ZGLP1: variants seen among roughly 807,000 people sequenced by gnomAD.
The protein encoded by ZGLP1 is GATA-type zinc finger protein 1.
In ZGLP1, 11 loss-of-function variants were observed where a neutral mutation model predicts 21.4. That is an observed-to-expected ratio of 0.51 (90% CI 0.32 to 0.85). The LOEUF is 0.85. Among genes scored for constraint, ZGLP1 ranks in the 40% least tolerant of loss-of-function variants. The pLI is 0.03. For synonymous variants in ZGLP1, 148 were observed against 145.0 expected (o/e 1.02, Z -0.15); for missense variants, 295 against 355.6 (o/e 0.83, Z 1.37).
chr19:10,308,523 C>T (rs1040187686), exon 1 of ZGLP1: 9 of 1,606,880 alleles, frequency 5.6e-6, no homozygotes, highest in African/African-American at 5.4e-5. Flanking sequence ...GGGCGGTGAC[C>T]GACTCCTGGC....
rs1245063530 is a variant in ZGLP1, at chr19:10,305,230, C to T, written c.699-22G>A. On this transcript the variant is annotated intron_variant, in intron 3 of 3. Coordinates refer to ENST00000403903, the Ensembl canonical transcript of ZGLP1. This position sits in a 1 kb window ranked among gnomAD's most constrained non-coding sequence, Gnocchi z 4.7. ...GTACCTAGGGTTGGGGGACAAGAAA[C>T]TGCCATTTAGGATGCAGTGGGGGCC... The T allele has an allele frequency of 6.8e-6, 11 of 1,610,474 alleles. No homozygotes were observed. In the African/African-American group the frequency reaches 1.5e-4, roughly 22 times the overall value.
chr19:10,308,524 G>C (rs1196050401), exon 1 of ZGLP1: 1 of 1,607,260 alleles, frequency 6.2e-7, no homozygotes. Flanking sequence ...GGCGGTGACC[G>C]ACTCCTGGCA....
rs759946522 is a variant in ZGLP1, at chr19:10,305,203, T to C, written c.704A>G (p.Lys235Arg). The change falls in exon 4 of 4, where the codon AAG becomes AGG. Residue 235 changes from lysine to arginine, a missense_variant. This residue lies in a region of ZGLP1 where 43 missense variants were observed against 91.7 expected (regional missense o/e 0.47). Transcript: ENST00000403903. The surrounding 1 kb of genome is among the most constrained non-coding windows in gnomAD (Gnocchi z 4.7). Reference sequence around the variant, plus strand: ...GCTGGAGCAGCGAGTGCCGTATTTCTTGTACCTAGGGTTGGGGGACAAGAA... The same window carrying C: ...GCTGGAGCAGCGAGTGCCGTATTTCCTGTACCTAGGGTTGGGGGACAAGAA... The C allele has an allele frequency of 1.2e-6, 2 of 1,613,916 alleles. No individual in the cohort carries two copies. The highest frequency in any genetic ancestry group is 1.7e-6 in the Non-Finnish European group (2 of 1,179,830).
rs1599287685 is a variant in ZGLP1 at position 10,305,981 on chromosome 19, G to A, written c.498-29C>T. ...TGGGGCAGACAAGGTATTAGCACTGGGGGGGATCTGTAGCTTGTCCCCAAC... is the reference window on the plus strand; with the variant it reads ...TGGGGCAGACAAGGTATTAGCACTGAGGGGGATCTGTAGCTTGTCCCCAAC... On this transcript the variant is annotated intron_variant, in intron 1 of 3. Transcript: ENST00000403903. This position sits in a 1 kb window ranked among gnomAD's most constrained non-coding sequence, Gnocchi z 4.7. 1.3e-6 allele frequency: 2 copies of A among 1,482,408 alleles called. No homozygotes were observed. Among genetic ancestry groups the A allele is most frequent in the Non-Finnish European group, 1.8e-6 (2 of 1,087,566 alleles). The allele number at this position is 1,482,408 out of a possible 1,614,324, so 91.8% of individuals were successfully genotyped here.
intron 1 of ZGLP1, among the ~76,000 whole-genome samples, chr19:10,307,025 T>TC (rs2040283192): frequency 6.6e-6 from 1 of 151,214 alleles, no homozygotes; most frequent in Non-Finnish European, 1.5e-5. Flanking sequence ...TCCCAGCTAC[T>TC]CCAGAGGCTG....
chr19:10,306,989 C>T (rs190497558), intron 1 of ZGLP1, among the ~76,000 whole-genome samples: 179 of 151,986 alleles, frequency 1.2e-3, no homozygotes, highest in African/African-American at 4.2e-3. Context: ...CAAAAATTAG[C>T]CAGGCGTGGT....
exon 1 of ZGLP1, chr19:10,308,324 A>T (rs1279078085): frequency 6.2e-7 from 1 of 1,610,956 alleles, no homozygotes; most frequent in Non-Finnish European, 8.5e-7. Context: ...GGTGGGGCCG[A>T]GGGAGTCCCC....
exon 1 of ZGLP1, chr19:10,309,622 G>C (rs1599289550): frequency 6.5e-6 from 1 of 152,696 alleles, no homozygotes; most frequent in African/African-American, 2.4e-5. Flanking sequence ...CCCCAGCTGA[G>C]AGCGACCAGC....
rs2040274811 is a variant in ZGLP1, at chr19:10,305,641, G to A, written c.605-158C>T. The A allele has an allele frequency of 3.1e-5, 24 of 764,514 alleles. No homozygotes were observed. The South Asian group carries it at 4.0e-4, about 13-fold the overall frequency. 47.4% of individuals were successfully genotyped at this position (764,514 alleles called of 1,614,324 possible). Reference sequence around the variant, plus strand: ...CCAGCTCTAAGCCACAGCAAAGCCAGGAAGGGAGACAGATGGCAGCATTCC... The same window carrying A: ...CCAGCTCTAAGCCACAGCAAAGCCAAGAAGGGAGACAGATGGCAGCATTCC... On this transcript the variant is annotated intron_variant, in intron 2 of 3. Coordinates refer to ENST00000403903, the Ensembl canonical transcript of ZGLP1. The surrounding 1 kb of genome is among the most constrained non-coding windows in gnomAD (Gnocchi z 4.7).
exon 1 of ZGLP1, chr19:10,309,783 G>A (rs1458783433): frequency 1.3e-5 from 2 of 152,290 alleles, no homozygotes; most frequent in Non-Finnish European, 2.9e-5. Flanking sequence ...GGGGCTCCCA[G>A]GCCTCTGCCT....
chr19:10,307,532 T>TC (rs2040286501), intron 1 of ZGLP1, among the ~76,000 whole-genome samples: 1 of 149,922 alleles, frequency 6.7e-6, no homozygotes. Context: ...TTTTTTTTTT[T>TC]GAGACTGAGT....
chr19:10,305,009 C>A lies in ZGLP1; in HGVS notation c.*82G>T. On this transcript the variant is annotated 3_prime_UTR_variant, in exon 4 of 4. Transcript: ENST00000403903. This position sits in a 1 kb window ranked among gnomAD's most constrained non-coding sequence, Gnocchi z 4.7. ...GAGGCAGGCCGGCTCTTTCCCCAATCCTCCTAGGAGAGCTGCTTCTGCCCA... is the reference window on the plus strand; with the variant it reads ...GAGGCAGGCCGGCTCTTTCCCCAATACTCCTAGGAGAGCTGCTTCTGCCCA... The A allele has an allele frequency of 9.1e-7, 1 of 1,101,714 alleles. No homozygotes were observed. Among genetic ancestry groups the A allele is most frequent in the East Asian group, 2.4e-5 (1 of 41,776 alleles). 68.2% of individuals were successfully genotyped at this position (1,101,714 alleles called of 1,614,324 possible).
chr19:10,308,863 G>A (rs1285344257), exon 1 of ZGLP1: 8 of 463,584 alleles, frequency 1.7e-5, no homozygotes, highest in African/African-American at 1.4e-4. Context: ...CTGCAGGATC[G>A]AGAAAAAGGT....
At chr19:10,309,149 G>C (rs1194694820) in exon 1 of ZGLP1, 1 of 152,806 alleles carries the variant, frequency 6.5e-6, no homozygotes, top group East Asian at 1.9e-4. Flanking sequence ...CAGCCCCAGA[G>C]ACATGGAATT....
intron 1 of ZGLP1, among the ~76,000 whole-genome samples, chr19:10,306,827 A>G (rs2040282298): frequency 6.6e-6 from 1 of 151,790 alleles, no homozygotes; most frequent in South Asian, 2.1e-4. Flanking sequence ...AAACAAACAA[A>G]CAAACAAAAG....
At chr19:10,307,814 C>T (rs1041675255) in intron 1 of ZGLP1, among the ~76,000 whole-genome samples, 1 of 152,260 alleles carries the variant, frequency 6.6e-6, no homozygotes, top group South Asian at 2.1e-4. Flanking sequence ...CTGTGCCCGG[C>T]CTCCCCAGGC....
intron 1 of ZGLP1, 73 bp from the exon 3 acceptor site, chr19:10,306,025 T>C (rs777111372): frequency 3.5e-6 from 4 of 1,153,234 alleles, no homozygotes; most frequent in Non-Finnish European, 5.0e-6. Flanking sequence ...GAAATGAAGA[T>C]TTAGTATCAA....
At chr19:10,307,265 TG>T (rs1360277298) in intron 1 of ZGLP1, among the ~76,000 whole-genome samples, 2 of 151,778 alleles carry the variant, frequency 1.3e-5, no homozygotes, top group East Asian at 3.9e-4. Context: ...CTTGAACTCC[TG>T]GGCTCATGCA....
At chr19:10,309,697 G>T (rs1376732113) in exon 1 of ZGLP1, 1 of 152,230 alleles carries the variant, frequency 6.6e-6, no homozygotes, top group Non-Finnish European at 1.5e-5. Flanking sequence ...CGTGGCAAGG[G>T]CGGCCTGGAC....
Sources: allele counts gnomAD v4.1 joint callset (sites outside exome capture counted in the v4.1 genomes callset), GRCh38; gene constraint gnomAD v4.1.1; regional missense constraint gnomAD v4.1.1; non-coding constraint Gnocchi (gnomAD v3.1); transcripts MANE v1.5; gene names NCBI Gene and HGNC (gene_info 2026-07-23, HGNC 2026-07-21).